Variants in LRRTM4 observed in about 807,000 individuals in gnomAD.
LRRTM4 encodes the protein leucine-rich repeat transmembrane neuronal protein 4.
In LRRTM4, 25 loss-of-function variants were observed where a neutral mutation model predicts 47.6. The ratio of observed to expected loss-of-function variants is 0.53; its 90% CI spans 0.38 to 0.73. The LOEUF (loss-of-function observed/expected upper bound fraction) is 0.73. Ranked by LOEUF, LRRTM4 falls within the 30% of genes least tolerant of loss-of-function variation. The pLI is 0.00. For missense variants in LRRTM4, 638 were observed against 713.4 expected (o/e 0.89, Z 1.20); for synonymous variants, 311 against 269.5 (o/e 1.15, Z -1.51).
intron 3 of LRRTM4, among the ~76,000 whole-genome samples, chr2:76,998,539 C>G (rs1195633485): frequency 6.6e-6 from 1 of 152,130 alleles, no homozygotes; most frequent in Non-Finnish European, 1.5e-5. Flanking sequence ...ATGTCAACAA[C>G]CAACTATGAA....
intron 3 of LRRTM4, among the ~76,000 whole-genome samples, chr2:77,074,839 G>C (rs887741451): frequency 5.3e-5 from 8 of 152,104 alleles, no homozygotes; most frequent in Admixed American, 4.6e-4. Flanking sequence ...ATTTGAATTA[G>C]TCAAATAAAA....
chr2:77,493,419 A>G (rs1478549933), intron 3 of LRRTM4, among the ~76,000 whole-genome samples: 2 of 152,120 alleles, frequency 1.3e-5, no homozygotes, highest in African/African-American at 2.4e-5. Flanking sequence ...CCCAGAAAGC[A>G]GACTAGACAT....
At chr2:76,963,886 A>T (rs1182865921) in intron 3 of LRRTM4, among the ~76,000 whole-genome samples, 1 of 150,744 alleles carries the variant, frequency 6.6e-6, no homozygotes, top group East Asian at 1.9e-4. Flanking sequence ...TAATTTTAAA[A>T]ATTTCATTTT....
intron 3 of LRRTM4, among the ~76,000 whole-genome samples, chr2:77,152,431 C>A (rs748674545): frequency 6.6e-6 from 1 of 151,936 alleles, no homozygotes; most frequent in Non-Finnish European, 1.5e-5. Context: ...TGGGTTCAAG[C>A]GATTCTCCTG....
chr2:77,071,897 C>A (rs1313311024), intron 3 of LRRTM4, among the ~76,000 whole-genome samples: 2 of 152,168 alleles, frequency 1.3e-5, no homozygotes. Context: ...CTACATACCA[C>A]CTCCACTACA....
Position 76,800,059 on chromosome 2 carries a change from C to A in LRRTM4, c.1552-51143G>T, listed in dbSNP as rs1367047685. On this transcript the variant is annotated intron_variant, in intron 3 of 3. Transcript: ENST00000409884. ...AATTTACAGATTCAATGCCATCCCC[C>A]TCAAGCTACCAATGCCTTTCTTCAC... Among the ~76,000 whole-genome samples the A allele has an allele frequency of 2.8e-3, 420 of 151,166 alleles. 1 individual carries two copies. The highest frequency in any genetic ancestry group is 4.9e-3 in the South Asian group (23 of 4,714).
At chr2:76,953,535 T>G (rs1390182910) in intron 3 of LRRTM4, among the ~76,000 whole-genome samples, 1 of 151,774 alleles carries the variant, frequency 6.6e-6, no homozygotes, top group East Asian at 2.0e-4. Context: ...ATACATCATA[T>G]ATTTCATCAT....
At chr2:77,481,548 T>A (rs1052532017) in intron 3 of LRRTM4, among the ~76,000 whole-genome samples, 2 of 152,018 alleles carry the variant, frequency 1.3e-5, no homozygotes, top group Admixed American at 1.3e-4. Flanking sequence ...ACTTTTGGAG[T>A]CTGATCATCC....
At chr2:77,290,917 C>G (rs184169618) in intron 3 of LRRTM4, among the ~76,000 whole-genome samples, 2 of 152,130 alleles carry the variant, frequency 1.3e-5, no homozygotes, top group East Asian at 3.9e-4. Context: ...CTCCTTAGTG[C>G]CCTGTGATCT....
intron 3 of LRRTM4, among the ~76,000 whole-genome samples, chr2:77,341,288 T>C (rs1257374090): frequency 6.6e-6 from 1 of 152,000 alleles, no homozygotes; most frequent in East Asian, 1.9e-4. Flanking sequence ...TTTGTGTTGC[T>C]CAGTACCCAT....
At chr2:77,034,039 C>A (rs1367943722) in intron 3 of LRRTM4, among the ~76,000 whole-genome samples, 3 of 151,294 alleles carry the variant, frequency 2.0e-5, no homozygotes, top group Non-Finnish European at 4.4e-5. Context: ...TAATTAAATA[C>A]TGGAAAAAAC....
At chr2:76,921,715 C>T (rs1272143711) in intron 3 of LRRTM4, among the ~76,000 whole-genome samples, 1 of 151,996 alleles carries the variant, frequency 6.6e-6, no homozygotes, top group Non-Finnish European at 1.5e-5. Context: ...TATTTTGGCT[C>T]CTATATCCCT....
chr2:77,119,137 C>T (rs1337249079), intron 3 of LRRTM4, among the ~76,000 whole-genome samples: 1 of 151,842 alleles, frequency 6.6e-6, no homozygotes, highest in East Asian at 1.9e-4. Flanking sequence ...GAATCCAACT[C>T]ATCCAGTTAT....
intron 3 of LRRTM4, among the ~76,000 whole-genome samples, chr2:77,192,741 G>T (rs1673705636): frequency 6.6e-6 from 1 of 152,098 alleles, no homozygotes; most frequent in Non-Finnish European, 1.5e-5. Flanking sequence ...CATTAGTATT[G>T]TGTGTCCAGA....
chr2:77,448,515 T>C (rs1031322583), intron 3 of LRRTM4, among the ~76,000 whole-genome samples: 1 of 152,238 alleles, frequency 6.6e-6, no homozygotes, highest in Non-Finnish European at 1.5e-5. Flanking sequence ...TTCATTCATC[T>C]CTGCAGTCTG....
Position 77,265,419 on chromosome 2 carries a change from G to A in LRRTM4, c.1551+252899C>T, listed in dbSNP as rs148904501. The stretch of plus-strand genomic sequence containing the variant: ...GTTAGAGTCTTACAAAAGAATGAGC[G>A]TGGCATTTTCTCTCACTCTCTTTCT... On this transcript the variant is annotated intron_variant, in intron 3 of 3. Coordinates refer to ENST00000409884, the MANE Select transcript of LRRTM4 (RefSeq NM_001134745.3). Among the ~76,000 whole-genome samples, 835 of 152,122 alleles carry A rather than the reference G, an allele frequency of 5.5e-3. 11 individuals are homozygous for A. The highest frequency in any genetic ancestry group is 0.019 in the African/African-American group (806 of 41,496).
intron 3 of LRRTM4, among the ~76,000 whole-genome samples, chr2:76,896,302 T>C (rs570961856): frequency 1.3e-5 from 2 of 152,098 alleles, no homozygotes; most frequent in South Asian, 4.2e-4. Flanking sequence ...ATAATTTAGA[T>C]AATAAACACT....
Position 77,193,743 on chromosome 2 carries a change from C to G in LRRTM4, c.1551+324575G>C, listed in dbSNP as rs562347643. 2.0e-5 allele frequency among the ~76,000 whole-genome samples: 3 copies of G among 152,240 alleles called. No individual in the cohort carries two copies. In the South Asian group the frequency reaches 6.2e-4, roughly 32 times the overall value. The stretch of plus-strand genomic sequence containing the variant: ...TTGAAGCCAGGAGGCGGGCATTGCA[C>G]TCCGGCCTGGGCAATAAGAGTGAAA... On this transcript the variant is annotated intron_variant, in intron 3 of 3. Transcript: ENST00000409884.
At chr2:77,379,197 C>A (rs528858885) in intron 3 of LRRTM4, among the ~76,000 whole-genome samples, 1 of 151,836 alleles carries the variant, frequency 6.6e-6, no homozygotes, top group East Asian at 1.9e-4. Flanking sequence ...TATTTTTGCT[C>A]TATATTGAAC....
Sources: gnomAD v4.1 joint callset for allele counts (sites outside exome capture counted in the v4.1 genomes callset) on GRCh38, gnomAD v4.1.1 for gene constraint, MANE v1.5 for transcripts, NCBI Gene and HGNC (gene_info 2026-07-23, HGNC 2026-07-21) for gene names.